PDE4B: variants seen among roughly 807,000 people sequenced by gnomAD.
PDE4B encodes phosphodiesterase 4B, also known as 3',5'-cyclic-AMP phosphodiesterase 4B.
PDE4B carries 20 observed loss-of-function variants against 82.2 expected under a neutral mutation model. The observed-to-expected ratio is 0.24, with a 90% CI of 0.17 to 0.35. PDE4B has a LOEUF of 0.35. Among genes scored for constraint, PDE4B ranks in the 10% least tolerant of loss-of-function variants. The probability of loss-of-function intolerance (pLI) is 1.00; values close to 1 mark genes in which losing one functional copy is unlikely to be tolerated. For synonymous variants in PDE4B, 320 were observed against 318.9 expected (o/e 1.00, Z -0.04); for missense variants, 655 against 907.2 (o/e 0.72, Z 3.57).
intron 3 of PDE4B, among the ~76,000 whole-genome samples, chr1:65,920,999 C>T (rs1177245397): frequency 1.8e-5 from 2 of 110,296 alleles, no homozygotes; most frequent in African/African-American, 7.1e-5. Flanking sequence ...GACGGAGTCT[C>T]GCTCTGTCGC....
rs146166974 is a variant in PDE4B, at chr1:66,363,511, C to A, written c.1224C>A (p.Ser408Arg). 2 of 1,613,672 alleles carry A rather than the reference C, an allele frequency of 1.2e-6. No homozygotes were observed. Among genetic ancestry groups the A allele is most frequent in the Non-Finnish European group, 1.7e-6 (2 of 1,179,818 alleles). The change falls in exon 12 of 17, where the codon AGC (serine) becomes AGA (arginine). Residue 408 changes from serine to arginine, a missense_variant. Ser to Arg is a moderately radical substitution (Grantham distance 110). This residue lies in a region of PDE4B where 283 missense variants were observed against 516.4 expected (regional missense o/e 0.55). Transcript: ENST00000341517. ...HYHSDVAYHN[S>R]LHAADVAQST... is the part of the protein sequence containing the mutation. ...ATTCTGACGTGGCATATCACAACAG[C>A]CTGCACGCTGCTGATGTAGCCCAGT... is the stretch of plus-strand genomic sequence containing the variant.
intron 3 of PDE4B, among the ~76,000 whole-genome samples, chr1:66,146,558 T>C (rs1646277425): frequency 6.6e-6 from 1 of 152,104 alleles, no homozygotes; most frequent in African/African-American, 2.4e-5. Flanking sequence ...GTTACCACTG[T>C]TGCACAACTC....
chr1:66,034,919 T>C (rs1264808265), intron 3 of PDE4B, among the ~76,000 whole-genome samples: 1 of 152,148 alleles, frequency 6.6e-6, no homozygotes, highest in Non-Finnish European at 1.5e-5. Context: ...TTGATGGAAG[T>C]GTGGGTGAGG....
intron 7 of PDE4B, among the ~76,000 whole-genome samples, chr1:66,305,670 T>G (rs1158565855): frequency 6.6e-6 from 1 of 152,150 alleles, no homozygotes; most frequent in Non-Finnish European, 1.5e-5. Flanking sequence ...TTTAATTTGG[T>G]GTTGCTATTT....
At chr1:65,820,038 G>GT (rs1272731713) in intron 1 of PDE4B, among the ~76,000 whole-genome samples, 1 of 152,184 alleles carries the variant, frequency 6.6e-6, no homozygotes, top group Non-Finnish European at 1.5e-5. Context: ...TTTCAGGGGA[G>GT]TTATGGGGGC....
At chr1:65,912,938 A>G (rs1428409119) in intron 1 of PDE4B, among the ~76,000 whole-genome samples, 1 of 152,224 alleles carries the variant, frequency 6.6e-6, no homozygotes, top group Non-Finnish European at 1.5e-5. Flanking sequence ...TTTGTAAACT[A>G]TAAAACATTT....
At chr1:65,824,672 T>TAC (rs984028003) in intron 1 of PDE4B, among the ~76,000 whole-genome samples, 4 of 150,840 alleles carry the variant, frequency 2.7e-5, no homozygotes, top group African/African-American at 7.3e-5. Flanking sequence ...TATATATATA[T>TAC]ACACACAATT....
chr1:66,164,535 C>CAAAAAAAAAAAAAAAAAAAAAA (rs10718019), intron 3 of PDE4B, among the ~76,000 whole-genome samples: 13 of 48,558 alleles, frequency 2.7e-4, no homozygotes, highest in East Asian at 7.1e-4. Context: ...GACTCCGTCT[C>CAAAAAAAAAAAAAAAAAAAAAA]AAAAAAAAAA....
At chr1:65,938,960 G>A (rs145859297) in intron 3 of PDE4B, among the ~76,000 whole-genome samples, 5 of 152,214 alleles carry the variant, frequency 3.3e-5, no homozygotes, top group South Asian at 2.1e-4. Flanking sequence ...GATGGGAGCC[G>A]AGACAGAAAG....
At chr1:66,032,306 A>G (rs1392221057) in intron 3 of PDE4B, among the ~76,000 whole-genome samples, 2 of 152,234 alleles carry the variant, frequency 1.3e-5, no homozygotes, top group Non-Finnish European at 2.9e-5. Flanking sequence ...AGATAATGCT[A>G]CTCAGAGTAC....
intron 3 of PDE4B, among the ~76,000 whole-genome samples, chr1:65,962,684 A>G (rs1649603187): frequency 6.6e-6 from 1 of 152,194 alleles, no homozygotes; most frequent in Admixed American, 6.5e-5. Flanking sequence ...AAGATGGAAT[A>G]TTATGAAACC....
At chr1:66,275,043 A>C (rs1321140608) in intron 7 of PDE4B, among the ~76,000 whole-genome samples, 1 of 152,194 alleles carries the variant, frequency 6.6e-6, no homozygotes, top group Non-Finnish European at 1.5e-5. Context: ...GGGAAAGCTG[A>C]AAAGTCAGGA....
intron 3 of PDE4B, among the ~76,000 whole-genome samples, chr1:66,213,569 A>AT (rs576256151): frequency 7.2e-5 from 11 of 152,078 alleles, no homozygotes; most frequent in Non-Finnish European, 1.3e-4. Context: ...CAGTTTCTGC[A>AT]TTTTTTTACT....
intron 3 of PDE4B, among the ~76,000 whole-genome samples, chr1:65,989,373 C>T (rs547295490): frequency 3.3e-5 from 5 of 151,998 alleles, no homozygotes; most frequent in East Asian, 3.9e-4. Flanking sequence ...TGGTGGTGGG[C>T]GCCTGTAATC....
At chr1:66,235,864 G>A (rs1434326294) in intron 3 of PDE4B, among the ~76,000 whole-genome samples, 1 of 152,210 alleles carries the variant, frequency 6.6e-6, no homozygotes, top group Non-Finnish European at 1.5e-5. Flanking sequence ...AACAGGTTCA[G>A]AGAGCAGCAT....
At chr1:66,132,449 A>G (rs1201068385) in intron 3 of PDE4B, among the ~76,000 whole-genome samples, 2 of 152,196 alleles carry the variant, frequency 1.3e-5, no homozygotes, top group African/African-American at 2.4e-5. Context: ...TGGCTGACAC[A>G]GTGTTCGTGC....
chr1:66,216,339 T>G (rs1476533451), intron 3 of PDE4B, among the ~76,000 whole-genome samples: 2 of 152,018 alleles, frequency 1.3e-5, no homozygotes, highest in Non-Finnish European at 2.9e-5. Flanking sequence ...TCTGTAGAAC[T>G]CCTGATGAAT....
intron 3 of PDE4B, among the ~76,000 whole-genome samples, chr1:66,222,705 A>G (rs2101609196): frequency 6.6e-6 from 1 of 152,266 alleles, no homozygotes; most frequent in East Asian, 1.9e-4. Context: ...ATATTATAAA[A>G]CCTATCTTGT....
Position 66,365,693 on chromosome 1 carries a change from GGCT to G in PDE4B, c.1314_1316del (p.Ala439del). The G allele has an allele frequency of 6.2e-7, 1 of 1,609,094 alleles. No homozygotes were observed. The highest frequency in any genetic ancestry group is 8.5e-7 in the Non-Finnish European group (1 of 1,176,286). On this transcript the variant is annotated inframe_deletion, in exon 13 of 17. Coordinates refer to ENST00000341517, the MANE Select transcript of PDE4B (RefSeq NM_002600.4). ...CTGTCTTCACAGATTTGGAGATCCT[GGCT>G]GCCATTTTTGCAGCTGCCATCCATG... is the stretch of plus-strand genomic sequence containing the variant.
Sources: gnomAD v4.1 joint callset for allele counts (sites outside exome capture counted in the v4.1 genomes callset) on GRCh38, gnomAD v4.1.1 for gene constraint, gnomAD v4.1.1 regional missense constraint, MANE v1.5 for transcripts, NCBI Gene and HGNC (gene_info 2026-07-23, HGNC 2026-07-21) for gene names.